CSMD1: variants seen among roughly 807,000 people sequenced by gnomAD.
The protein encoded by CSMD1 is CUB and sushi domain-containing protein 1.
CSMD1 carries 213 observed loss-of-function variants against 417.5 expected under a neutral mutation model. The ratio of observed to expected loss-of-function variants is 0.51; its 90% CI spans 0.46 to 0.57. The LOEUF (loss-of-function observed/expected upper bound fraction) is 0.57. CSMD1 is among the 20% of genes least tolerant of loss of function. The probability of loss-of-function intolerance (pLI) is 0.00; values close to 1 mark genes in which losing one functional copy is unlikely to be tolerated. For synonymous variants in CSMD1, 2,862 were observed against 1,736.8 expected (o/e 1.65, Z -16.11); for missense variants, 6,923 against 4,529.7 (o/e 1.53, Z -15.17).
intron 26 of CSMD1, among the ~76,000 whole-genome samples, chr8:3,260,584 C>G (rs1480428253): frequency 6.6e-6 from 1 of 151,860 alleles, no homozygotes; most frequent in Non-Finnish European, 1.5e-5. Context: ...CGAGAACAAA[C>G]CCCCCTCGAA....
At chr8:2,981,386 G>A (rs564825847) in intron 54 of CSMD1, among the ~76,000 whole-genome samples, 1 of 152,330 alleles carries the variant, frequency 6.6e-6, no homozygotes, top group South Asian at 2.1e-4. Context: ...GGCCAGTGAA[G>A]TTCATGGTGC....
intron 15 of CSMD1, among the ~76,000 whole-genome samples, chr8:3,399,984 T>C (rs1465104421): frequency 2.0e-5 from 3 of 152,216 alleles, no homozygotes; most frequent in African/African-American, 7.2e-5. Context: ...TGTGTGCATT[T>C]TATTAAAATA....
At chr8:4,250,269 T>TA (rs1162717332) in intron 3 of CSMD1, among the ~76,000 whole-genome samples, 6 of 152,164 alleles carry the variant, frequency 3.9e-5, no homozygotes, top group Admixed American at 3.9e-4. Flanking sequence ...AAAGCCTCTC[T>TA]AGTGATATAA....
chr8:4,772,867 G>A (rs1796667795), intron 1 of CSMD1, among the ~76,000 whole-genome samples: 1 of 152,120 alleles, frequency 6.6e-6, no homozygotes, highest in East Asian at 1.9e-4. Context: ...TCCATGAAAT[G>A]TGGATTTAAT....
chr8:4,269,532 A>G (rs1182937624), intron 3 of CSMD1, among the ~76,000 whole-genome samples: 1 of 152,156 alleles, frequency 6.6e-6, no homozygotes, highest in Non-Finnish European at 1.5e-5. Flanking sequence ...AAAGCCCTCA[A>G]TATATCGCAT....
intron 1 of CSMD1, among the ~76,000 whole-genome samples, chr8:4,656,089 T>C (rs1804212478): frequency 6.6e-6 from 1 of 152,040 alleles, no homozygotes; most frequent in Admixed American, 6.5e-5. Flanking sequence ...GGAAAGACAA[T>C]GCTAGTCTTA....
At chr8:3,270,387 C>A (rs1490850822) in intron 26 of CSMD1, among the ~76,000 whole-genome samples, 1 of 151,912 alleles carries the variant, frequency 6.6e-6, no homozygotes, top group Non-Finnish European at 1.5e-5. Flanking sequence ...GTTGTTGCTG[C>A]CTCAAGATTA....
chr8:4,765,204 A>C (rs1014276569), intron 1 of CSMD1, among the ~76,000 whole-genome samples: 2 of 152,020 alleles, frequency 1.3e-5, no homozygotes, highest in Non-Finnish European at 2.9e-5. Flanking sequence ...CCGTCTCATA[A>C]AAAAAATGGC....
At chr8:3,367,476 AAG>A (rs1037756908) in intron 19 of CSMD1, among the ~76,000 whole-genome samples, 1 of 151,988 alleles carries the variant, frequency 6.6e-6, no homozygotes, top group African/African-American at 2.4e-5. Context: ...GAGAGAGAAA[AAG>A]AGAGAGGTTA....
chr8:3,191,148 A>T (rs1312109650), intron 33 of CSMD1, among the ~76,000 whole-genome samples: 1 of 152,176 alleles, frequency 6.6e-6, no homozygotes, highest in African/African-American at 2.4e-5. Flanking sequence ...GTCACCTAGG[A>T]TGAGCTCAAA....
intron 21 of CSMD1, among the ~76,000 whole-genome samples, chr8:3,350,039 ACCT>A (rs1808306526): frequency 7.0e-6 from 1 of 143,636 alleles, no homozygotes. Context: ...GTGTTATAAT[ACCT>A]ATAATAACCT....
At chr8:3,344,740 C>A (rs921925627) in intron 22 of CSMD1, among the ~76,000 whole-genome samples, 1 of 152,080 alleles carries the variant, frequency 6.6e-6, no homozygotes, top group Non-Finnish European at 1.5e-5. Context: ...CTTTCATTGT[C>A]TTTCAATCAA....
intron 19 of CSMD1, among the ~76,000 whole-genome samples, chr8:3,368,933 C>A (rs188517517): frequency 6.6e-6 from 1 of 152,212 alleles, no homozygotes; most frequent in Non-Finnish European, 1.5e-5. Context: ...TCGCTTATTT[C>A]CCTTTATTTA....
intron 6 of CSMD1, among the ~76,000 whole-genome samples, chr8:3,749,654 T>C (rs1009771064): frequency 6.6e-6 from 1 of 152,204 alleles, no homozygotes; most frequent in African/African-American, 2.4e-5. Context: ...CATCATACGC[T>C]GGAAAACAAA....
At chr8:4,570,384 C>T (rs759869182) in intron 2 of CSMD1, among the ~76,000 whole-genome samples, 2 of 152,104 alleles carry the variant, frequency 1.3e-5, no homozygotes, top group African/African-American at 2.4e-5. Context: ...CTGCATCTAT[C>T]GGGATAATCA....
At chr8:3,615,778 G>C (rs1802107544) in intron 8 of CSMD1, among the ~76,000 whole-genome samples, 1 of 151,938 alleles carries the variant, frequency 6.6e-6, no homozygotes, top group Non-Finnish European at 1.5e-5. Context: ...TTCAAAAATG[G>C]TGACATTGTA....
At chr8:4,386,816 G>C (rs965398374) in intron 3 of CSMD1, among the ~76,000 whole-genome samples, 1 of 152,142 alleles carries the variant, frequency 6.6e-6, no homozygotes. Flanking sequence ...TGGGCTCTTG[G>C]GATTAATGTA....
chr8:3,522,562 T>C lies in CSMD1; in HGVS notation c.1345-28836A>G, dbSNP rs890785381. On this transcript the variant is annotated intron_variant, in intron 10 of 69. Transcript: ENST00000635120. ...GTTATAAGTACTTTATGACTGAGAA[T>C]AGAGAAAGAAATGGGAACACTACTC... is the stretch of plus-strand genomic sequence containing the variant. Among the ~76,000 whole-genome samples the C allele has an allele frequency of 2.0e-5, 3 of 152,218 alleles. No individual in the cohort carries two copies. In the East Asian group the frequency reaches 5.8e-4, roughly 29 times the overall value.
chr8:3,927,045 T>G (rs1225338913), intron 5 of CSMD1, among the ~76,000 whole-genome samples: 1 of 151,958 alleles, frequency 6.6e-6, no homozygotes, highest in African/African-American at 2.4e-5. Flanking sequence ...CTTTTTGTGC[T>G]TTATGTTTTT....
Sources: gnomAD v4.1 joint callset for allele counts (sites outside exome capture counted in the v4.1 genomes callset) on GRCh38, gnomAD v4.1.1 for gene constraint, MANE v1.5 for transcripts, NCBI Gene and HGNC (gene_info 2026-07-23, HGNC 2026-07-21) for gene names.